The following DOP1A variants were observed in gnomAD, a reference collection of about 807,000 sequenced individuals.
The protein encoded by DOP1A is protein DOP1A.
A neutral mutation model predicts 267.6 loss-of-function variants in DOP1A; 90 were observed. The observed-to-expected ratio is 0.34, with a 90% CI of 0.28 to 0.40. DOP1A has a LOEUF of 0.40. DOP1A is among the 10% of genes least tolerant of loss of function. The pLI, the probability that DOP1A is intolerant of heterozygous loss-of-function variation, is 1.00. For missense variants in DOP1A, 2,437 were observed against 2,900.4 expected, an observed-to-expected ratio of 0.84 and a Z score of 3.67; for synonymous variants, 932 against 999.1, an observed-to-expected ratio of 0.93 and a Z score of 1.27.
chr6:83,157,014 ATT>A lies in DOP1A; in HGVS notation c.6605-167_6605-166del, dbSNP rs1415022853. Reference sequence around the variant, plus strand: ...TTTGTATTTTGTGTATCTTTGTTTAATTGGAGTTCTCTTATTCGTTGTTTTAT... The same window carrying A: ...TTTGTATTTTGTGTATCTTTGTTTAAGGAGTTCTCTTATTCGTTGTTTTAT... On this transcript the variant is annotated intron_variant, in intron 34 of 38. Coordinates refer to ENST00000349129, the MANE Select transcript of DOP1A (RefSeq NM_015018.4). 1.1e-4 allele frequency among the ~76,000 whole-genome samples: 16 copies of A among 152,172 alleles called. No individual in the cohort carries two copies. In the South Asian group the frequency reaches 1.9e-3, roughly 18 times the overall value.
At chr6:83,158,099 G>C (rs1028858376) in intron 35 of DOP1A, among the ~76,000 whole-genome samples, 12 of 151,782 alleles carry the variant, frequency 7.9e-5, no homozygotes, top group Non-Finnish European at 1.8e-4. Flanking sequence ...CCCGGGTTCA[G>C]GCCATTCTCC....
At chr6:83,130,570 C>T (rs1040363606) in intron 17 of DOP1A, among the ~76,000 whole-genome samples, 173 bp downstream of exon 17, 3 of 152,078 alleles carry the variant, frequency 2.0e-5, no homozygotes, top group African/African-American at 7.2e-5. Context: ...TACTGCTCTC[C>T]CCATCTTATT....
rs1417913294 is a variant in DOP1A, at chr6:83,113,327, A to G, written c.686A>G (p.Glu229Gly). The G allele has an allele frequency of 1.2e-6, 2 of 1,610,858 alleles. No individual in the cohort carries two copies. Among genetic ancestry groups the G allele is most frequent in the South Asian group, 2.2e-5 (2 of 90,418 alleles). Residue 229 changes from glutamate to glycine, a missense_variant, in exon 7 of 39, where the codon GAA becomes GGA. By Grantham distance (98) the Glu-to-Gly change is moderately conservative. Around this residue, in one of 9 missense-constraint regions of DOP1A, gnomAD observed 251 missense variants for 359.1 expected, o/e 0.70. Coordinates refer to ENST00000349129, the MANE Select transcript of DOP1A (RefSeq NM_015018.4). ...TTAAAGATGCTGTTATTTCAGGTAGAAGCAGTAAGTACTTCAGTGCAGGAC... is the reference window on the plus strand; with the variant it reads ...TTAAAGATGCTGTTATTTCAGGTAGGAGCAGTAAGTACTTCAGTGCAGGAC... ...IIGSDIELMV[E>G]AVSTSVQDSS... is the part of the protein sequence containing the mutation.
At chr6:83,140,596 A>AT (rs1779455588) in intron 23 of DOP1A, among the ~76,000 whole-genome samples, 193 bp downstream of exon 23, 2 of 152,104 alleles carry the variant, frequency 1.3e-5, no homozygotes, top group Admixed American at 6.6e-5. Context: ...CAATTCAGTA[A>AT]TTTTTTTAGT....
intron 33 of DOP1A, among the ~76,000 whole-genome samples, 156 bp from the exon 34 acceptor site, chr6:83,155,795 T>C (rs1354800547): frequency 6.6e-6 from 1 of 152,232 alleles, no homozygotes; most frequent in African/African-American, 2.4e-5. Flanking sequence ...GTTGGATCTG[T>C]TTGCCAGCCT....
chr6:83,092,560 C>A (rs1365177323), intron 1 of DOP1A, among the ~76,000 whole-genome samples: 1 of 110,440 alleles, frequency 9.1e-6, no homozygotes, highest in African/African-American at 3.4e-5. Flanking sequence ...TGTCCCTCCC[C>A]CCCCCCCCAC....
chr6:83,167,093 T>C (rs924479483), intron 38 of DOP1A: 2 of 983,194 alleles, frequency 2.0e-6, no homozygotes, highest in African/African-American at 3.5e-5. Flanking sequence ...TATTAGTCTT[T>C]ATATTTAGTT....
intron 24 of DOP1A, among the ~76,000 whole-genome samples, chr6:83,142,360 TA>T (rs1427085456): frequency 6.6e-6 from 1 of 151,802 alleles, no homozygotes; most frequent in Admixed American, 6.6e-5. Flanking sequence ...ATACAAAAAT[TA>T]GCCAGGCATG....
At chr6:83,132,961 A>G (rs6939281) in intron 18 of DOP1A, among the ~76,000 whole-genome samples, 1 of 152,112 alleles carries the variant, frequency 6.6e-6, no homozygotes, top group African/African-American at 2.4e-5. Flanking sequence ...TGAAGATTTT[A>G]TTGAAGAGCT....
chr6:83,094,944 T>C (rs1480013258), intron 1 of DOP1A, among the ~76,000 whole-genome samples: 1 of 152,194 alleles, frequency 6.6e-6, no homozygotes, highest in African/African-American at 2.4e-5. Flanking sequence ...ATTTTGTTTA[T>C]TTTTTTGAGA....
rs1478106453 is a variant in DOP1A, at chr6:83,148,957, G to C, written c.5837+94G>C. Reference sequence around the variant, plus strand: ...AGTAATAGATATTTTAGGTGACAGTGATCTCTCTACCTTCTCATAGTGTTC... The same window carrying C: ...AGTAATAGATATTTTAGGTGACAGTCATCTCTCTACCTTCTCATAGTGTTC... On this transcript the variant is annotated intron_variant, in intron 27 of 38. Transcript: ENST00000349129. 4.3e-6 allele frequency: 3 copies of C among 692,400 alleles called. No homozygotes were observed. In the East Asian group the frequency reaches 1.0e-4, roughly 23 times the overall value. 42.9% of individuals were successfully genotyped at this position (692,400 alleles called of 1,614,324 possible). A position where few individuals can be genotyped will look rare whatever the true frequency, so the allele number is the denominator to read the frequency against.
rs1768259691 is a variant in DOP1A at position 83,082,401 on chromosome 6, A to T, written c.-146-14330A>T. ...AGAGGACACTGTGTTAAGTGAAATAAGCAAAGCACAGAAAGATAAATGCTG... is the reference window on the plus strand; with the variant it reads ...AGAGGACACTGTGTTAAGTGAAATATGCAAAGCACAGAAAGATAAATGCTG... On this transcript the variant is annotated intron_variant, in intron 1 of 38. Transcript: ENST00000349129. Among the ~76,000 whole-genome samples, 4 of 152,232 alleles carry T rather than the reference A, an allele frequency of 2.6e-5. 1 individual carries two copies. Among genetic ancestry groups the T allele is most frequent in the South Asian group, 4.1e-4 (2 of 4,830 alleles).
intron 33 of DOP1A, among the ~76,000 whole-genome samples, chr6:83,155,110 AAAG>A (rs776275436): frequency 3.9e-5 from 6 of 152,164 alleles, no homozygotes; most frequent in Non-Finnish European, 8.8e-5. Context: ...AGGTGAAACT[AAAG>A]AAGCCAACCA....
At chr6:83,085,765 T>A (rs892547151) in intron 1 of DOP1A, among the ~76,000 whole-genome samples, 1 of 150,702 alleles carries the variant, frequency 6.6e-6, no homozygotes, top group Non-Finnish European at 1.5e-5. Context: ...CATTGATGGG[T>A]TTTTTGCGGT....
chr6:83,132,364 GC>G, intron 18 of DOP1A, 36 bp downstream of exon 18: 1 of 1,556,140 alleles, frequency 6.4e-7, no homozygotes, highest in Non-Finnish European at 8.7e-7. Context: ...CGCCCCCTCC[GC>G]CACACACACA....
Position 83,138,204 on chromosome 6 carries a change from A to G in DOP1A, c.4162A>G (p.Ile1388Val), listed in dbSNP as rs764965186. The G allele has an allele frequency of 7.4e-6, 12 of 1,613,672 alleles. No homozygotes were observed. The African/African-American group carries it at 1.5e-4, about 20-fold the overall frequency. ...SSRTLYAFSAIKAILKTNPIA... is the reference protein window; with the variant it reads ...SSRTLYAFSAVKAILKTNPIA... Reference sequence around the variant, plus strand: ...CAGGACTTTGTATGCTTTCTCTGCCATCAAAGCCATCTTGAAAACTAACCC... The same window carrying G: ...CAGGACTTTGTATGCTTTCTCTGCCGTCAAAGCCATCTTGAAAACTAACCC... The change falls in exon 21 of 39, where the codon ATC (isoleucine) becomes GTC (valine). Residue 1388 changes from isoleucine (I) to valine (V), a missense_variant. By Grantham distance (29) the Ile-to-Val change is conservative. Coordinates refer to ENST00000349129, the MANE Select transcript of DOP1A (RefSeq NM_015018.4).
chr6:83,096,977 G>T lies in DOP1A; in HGVS notation c.-1G>T. On this transcript the variant is annotated 5_prime_UTR_variant, in exon 3 of 39. Coordinates refer to ENST00000349129, the MANE Select transcript of DOP1A (RefSeq NM_015018.4). ...GGTCTCTAGTGGGAAGTTGTGGGAG[G>T]ATGAACACAGAAGAGCTGGAGTTAT... is the stretch of plus-strand genomic sequence containing the variant. 6.2e-7 allele frequency: 1 copy of T among 1,613,746 alleles called. No homozygotes were observed. The highest frequency in any genetic ancestry group is 8.5e-7 in the Non-Finnish European group (1 of 1,179,776).
chr6:83,119,664 C>G, intron 8 of DOP1A, 84 bp from the exon 9 acceptor site: 1 of 1,077,898 alleles, frequency 9.3e-7, no homozygotes, highest in Non-Finnish European at 1.4e-6. Context: ...TAGTGCTGTT[C>G]TGAGATTTTG....
chr6:83,093,263 C>T (rs570149650), intron 1 of DOP1A, among the ~76,000 whole-genome samples: 1 of 152,284 alleles, frequency 6.6e-6, no homozygotes, highest in African/African-American at 2.4e-5. Context: ...AATGAAATCA[C>T]ATTTAAGGTG....
Sources: allele counts gnomAD v4.1 joint callset (sites outside exome capture counted in the v4.1 genomes callset), GRCh38; gene constraint gnomAD v4.1.1; regional missense constraint gnomAD v4.1.1; transcripts MANE v1.5; gene names NCBI Gene and HGNC (gene_info 2026-07-23, HGNC 2026-07-21).